The following PTPRD variants were observed in gnomAD, a reference collection of about 807,000 sequenced individuals.
PTPRD encodes receptor-type tyrosine-protein phosphatase delta.
Under a neutral mutation model 214.5 loss-of-function variants are expected in PTPRD, and 34 were observed. The observed-to-expected ratio is 0.16, with a 90% confidence interval of 0.12 to 0.21. The LOEUF is 0.21. Among genes scored for constraint, PTPRD ranks in the 10% least tolerant of loss-of-function variants. The pLI, the probability that PTPRD is intolerant of heterozygous loss-of-function variation, is 1.00. For missense variants in PTPRD, 2,545 were observed against 2,398.7 expected (o/e 1.06, Z -1.27); for synonymous variants, 1,128 against 845.7 (o/e 1.33, Z -5.79).
chr9:9,599,433 C>T (rs146251542), intron 7 of PTPRD, among the ~76,000 whole-genome samples: 301 of 152,122 alleles, frequency 2.0e-3, no homozygotes, highest in Admixed American at 4.3e-3. Context: ...AGCCCTTACC[C>T]GATGTTCACC....
intron 2 of PTPRD, among the ~76,000 whole-genome samples, chr9:10,356,830 C>T (rs2097288271): frequency 6.6e-6 from 1 of 151,994 alleles, no homozygotes; most frequent in Non-Finnish European, 1.5e-5. Context: ...CAGCTGCCTG[C>T]CACCATGCCC....
chr9:9,345,857 A>G (rs116540596), intron 9 of PTPRD, among the ~76,000 whole-genome samples: 6 of 152,326 alleles, frequency 3.9e-5, no homozygotes, highest in African/African-American at 1.4e-4. Context: ...TAACAAACAT[A>G]AAGTGCCTGG....
chr9:9,362,399 T>C (rs2056495169), intron 9 of PTPRD, among the ~76,000 whole-genome samples: 1 of 151,118 alleles, frequency 6.6e-6, no homozygotes, highest in African/African-American at 2.4e-5. Flanking sequence ...AACAACATTT[T>C]AAAATATCAA....
rs181119140 is a variant in PTPRD, at chr9:9,931,584, G to A, written c.-368+6923C>T. Among the ~76,000 whole-genome samples the A allele has an allele frequency of 4.8e-3, 733 of 152,144 alleles. 4 individuals carry two copies. Among genetic ancestry groups the A allele is most frequent in the African/African-American group, 0.016 (682 of 41,520 alleles). On this transcript the variant is annotated intron_variant, in intron 5 of 45. Transcript: ENST00000381196. ...GTGGCTCGGAGGGTCCTATGCCCAC[G>A]GAGTCTCGCTGATTGCTAGCACAGC... is the stretch of plus-strand genomic sequence containing the variant.
At chr9:10,163,781 TG>T (rs1403858543) in intron 3 of PTPRD, among the ~76,000 whole-genome samples, 1 of 151,490 alleles carries the variant, frequency 6.6e-6, no homozygotes, top group East Asian at 1.9e-4. Context: ...ACCTGGATAT[TG>T]CTATTTTCAT....
At chr9:10,431,027 A>T (rs2154520544) in intron 2 of PTPRD, among the ~76,000 whole-genome samples, 1 of 152,158 alleles carries the variant, frequency 6.6e-6, no homozygotes, top group East Asian at 1.9e-4. Context: ...ATCACACAGT[A>T]AGCTAGTTAG....
intron 8 of PTPRD, among the ~76,000 whole-genome samples, chr9:9,487,141 T>G (rs2095675597): frequency 6.6e-6 from 1 of 152,186 alleles, no homozygotes; most frequent in African/African-American, 2.4e-5. Flanking sequence ...ACATGTGCCA[T>G]GTTGGTGTGC....
Position 9,503,601 on chromosome 9 carries a change from G to C in PTPRD, c.-237+71131C>G, listed in dbSNP as rs539194585. Among the ~76,000 whole-genome samples, 3 of 151,846 alleles carry C rather than the reference G, an allele frequency of 2.0e-5. 1 individual carries two copies. The East Asian group carries it at 5.8e-4, about 30-fold the overall frequency. On this transcript the variant is annotated intron_variant, in intron 8 of 45. Transcript: ENST00000381196. ...GTCAACTACAGTAAATATTGCATAG[G>C]AATCAATGGTGGTTATAACAGATCA...
chr9:10,411,319 G>T (rs1026974663), intron 2 of PTPRD, among the ~76,000 whole-genome samples: 5 of 151,736 alleles, frequency 3.3e-5, no homozygotes, highest in African/African-American at 1.2e-4. Context: ...TGTAGTAAAG[G>T]AATTATAACT....
At chr9:8,892,617 ATG>A in intron 11 of PTPRD, among the ~76,000 whole-genome samples, 1 of 145,120 alleles carries the variant, frequency 6.9e-6, no homozygotes, top group East Asian at 2.0e-4. Flanking sequence ...GTGTATATAT[ATG>A]TGTATATATA....
chr9:9,761,901 T>C (rs985954836), intron 6 of PTPRD, among the ~76,000 whole-genome samples: 24 of 152,204 alleles, frequency 1.6e-4, no homozygotes, highest in Non-Finnish European at 2.8e-4. Flanking sequence ...TTGCAAAATA[T>C]AATATTTTAA....
intron 9 of PTPRD, among the ~76,000 whole-genome samples, chr9:9,243,290 T>C (rs1234402538): frequency 6.6e-6 from 1 of 152,132 alleles, no homozygotes; most frequent in African/African-American, 2.4e-5. Flanking sequence ...ACTCATTTTA[T>C]GAGGTCAGCA....
chr9:9,989,827 G>C (rs1001462910), intron 4 of PTPRD, among the ~76,000 whole-genome samples: 33 of 152,206 alleles, frequency 2.2e-4, no homozygotes, highest in African/African-American at 7.5e-4. Context: ...GTTCGTTCTT[G>C]CTGGTGCCCA....
At chr9:8,393,039 C>T (rs928577129) in intron 36 of PTPRD, among the ~76,000 whole-genome samples, 9 of 152,250 alleles carry the variant, frequency 5.9e-5, no homozygotes, top group African/African-American at 2.2e-4. Context: ...CAATATGCTG[C>T]TTTCCAAATG....
intron 8 of PTPRD, among the ~76,000 whole-genome samples, chr9:9,402,292 C>A (rs2141407394): frequency 6.6e-6 from 1 of 152,134 alleles, no homozygotes; most frequent in East Asian, 1.9e-4. Flanking sequence ...TGGATGTTCC[C>A]TGCAACATTT....
At chr9:10,536,371 T>A (rs1385009818) in intron 2 of PTPRD, among the ~76,000 whole-genome samples, 1 of 152,132 alleles carries the variant, frequency 6.6e-6, no homozygotes, top group East Asian at 1.9e-4. Context: ...TTTCTCCTTG[T>A]CCTTTCAAGA....
At chr9:9,264,876 T>A (rs1938413145) in intron 9 of PTPRD, among the ~76,000 whole-genome samples, 1 of 145,906 alleles carries the variant, frequency 6.9e-6, no homozygotes, top group South Asian at 2.2e-4. Context: ...GAAAGTGGAA[T>A]GACGTATTCA....
chr9:9,401,078 AG>A (rs2070240062), intron 8 of PTPRD, among the ~76,000 whole-genome samples: 1 of 152,048 alleles, frequency 6.6e-6, no homozygotes, highest in Non-Finnish European at 1.5e-5. Context: ...TATCTGTACT[AG>A]GCAGGTGGTA....
chr9:10,076,597 C>A (rs964336126), intron 3 of PTPRD, among the ~76,000 whole-genome samples: 3 of 152,046 alleles, frequency 2.0e-5, no homozygotes, highest in African/African-American at 7.2e-5. Context: ...GGCCCCTGAG[C>A]AGGTCTGTCA....
Sources: gnomAD v4.1 joint callset for allele counts (sites outside exome capture counted in the v4.1 genomes callset) on GRCh38, gnomAD v4.1.1 for gene constraint, MANE v1.5 for transcripts, NCBI Gene and HGNC (gene_info 2026-07-23, HGNC 2026-07-21) for gene names.